Variants in PXK observed in about 807,000 individuals in gnomAD.
PXK encodes the protein PX domain containing serine/threonine kinase like.
PXK carries 35 observed loss-of-function variants against 84.7 expected under a neutral mutation model. The observed-to-expected ratio is 0.41, with a 90% confidence interval of 0.32 to 0.55. The LOEUF (loss-of-function observed/expected upper bound fraction) is 0.55, where lower values mean the gene tolerates loss of function less well. PXK is among the 20% of genes least tolerant of loss of function. The pLI is 0.21. For synonymous variants in PXK, 253 were observed against 260.8 expected (o/e 0.97, Z 0.29); for missense variants, 634 against 699.7 (o/e 0.91, Z 1.06).
At chr3:58,417,092 A>AC (rs2107703788) in intron 17 of PXK, among the ~76,000 whole-genome samples, 1 of 152,216 alleles carries the variant, frequency 6.6e-6, no homozygotes, top group East Asian at 1.9e-4. Flanking sequence ...TTTTGTAGAG[A>AC]CAGGGGTCTC....
rs1281756673 is a variant in PXK, at chr3:58,424,935, A to G, written c.1712A>G (p.Asp571Gly). ...KGTLRKAKTC[D>G]HSAPKIG ...ACTTTGAGGAAAGCCAAAACCTGTG[A>G]TCACAGTGCTCCGAAGATCGGCTGA... The change falls in exon 18 of 18, where the codon GAT becomes GGT. Residue 571 changes from aspartate to glycine, a missense_variant. By Grantham distance (94) the Asp-to-Gly change is moderately conservative. Around this residue, in one of 3 missense-constraint regions of PXK, gnomAD observed 273 missense variants for 283.6 expected, o/e 0.96. Transcript: ENST00000356151. 6.2e-7 allele frequency: 1 copy of G among 1,614,032 alleles called. No homozygotes were observed. Among genetic ancestry groups the G allele is most frequent in the Non-Finnish European group, 8.5e-7 (1 of 1,180,052 alleles).
Position 58,400,659 on chromosome 3 carries a change from C to G in PXK, c.1181+1282C>G, listed in dbSNP as rs765984217. ...CGGGCAGTGGCTCATGCCTATAATC[C>G]CAGCACTTTGGGAGGCTGAGGCGGG... is the stretch of plus-strand genomic sequence containing the variant. On this transcript the variant is annotated intron_variant, in intron 12 of 17. Coordinates refer to ENST00000356151, the MANE Select transcript of PXK (RefSeq NM_017771.5). This position sits in a 1 kb window ranked among gnomAD's most constrained non-coding sequence, Gnocchi z 4.0. Among the ~76,000 whole-genome samples the G allele has an allele frequency of 1.3e-5, 2 of 152,142 alleles. No individual in the cohort carries two copies. Among genetic ancestry groups the G allele is most frequent in the Non-Finnish European group, 2.9e-5 (2 of 68,024 alleles).
In PXK at chr3:58,409,690, G is replaced by A. The variant is rs1277475381; in HGVS notation, c.1395+72G>A. The A allele has an allele frequency of 8.0e-7, 1 of 1,252,242 alleles. No homozygotes were observed. The allele number at this position is 1,252,242 out of a possible 1,614,324, so 77.6% of individuals were successfully genotyped here. On this transcript the variant is annotated intron_variant, in intron 15 of 17. Coordinates refer to ENST00000356151, the MANE Select transcript of PXK (RefSeq NM_017771.5). This position sits in a 1 kb window ranked among gnomAD's most constrained non-coding sequence, Gnocchi z 4.2. ...ATGTGAAGAAAGTTCTAGGTTAATG[G>A]TGCCCATTTAATGACAGATGCTGTG...
At chr3:58,336,067 ATATATTTTTT>A (rs1259252496) in intron 1 of PXK, among the ~76,000 whole-genome samples, 3 of 59,518 alleles carry the variant, frequency 5.0e-5, no homozygotes, top group African/African-American at 3.0e-4. Context: ...ATATATATAT[ATATATTTTTT>A]TTTTTTTTTT....
chr3:58,339,758 A>G lies in PXK; in HGVS notation c.102+6668A>G, dbSNP rs890860547. Among the ~76,000 whole-genome samples the G allele has an allele frequency of 3.9e-4, 60 of 152,170 alleles. 1 individual carries two copies. The highest frequency in any genetic ancestry group is 1.4e-3 in the African/African-American group (59 of 41,520). ...TCCCTAGGGAACAGTGGAAAGAGCC[A>G]CCCATGGGTACTTAGCTTCCATATG... On this transcript the variant is annotated intron_variant, in intron 1 of 17. Transcript: ENST00000356151.
intron 1 of PXK, among the ~76,000 whole-genome samples, chr3:58,342,512 G>T (rs1302339482): frequency 6.6e-6 from 1 of 151,786 alleles, no homozygotes; most frequent in African/African-American, 2.4e-5. Context: ...GTGCATGCCT[G>T]TAGTCCCTGC....
chr3:58,422,258 C>T, intron 17 of PXK: 2 of 985,404 alleles, frequency 2.0e-6, no homozygotes, highest in East Asian at 1.1e-4. Context: ...CACCTTCTGA[C>T]CCCTAGACCT....
intron 1 of PXK, among the ~76,000 whole-genome samples, chr3:58,362,217 G>T (rs532750875): frequency 6.6e-6 from 1 of 152,254 alleles, no homozygotes; most frequent in African/African-American, 2.4e-5. Context: ...TAATTTTGAT[G>T]AAGTCCAATT....
At chr3:58,359,559 C>G (rs1431641499) in intron 1 of PXK, among the ~76,000 whole-genome samples, 1 of 151,038 alleles carries the variant, frequency 6.6e-6, no homozygotes, top group East Asian at 1.9e-4. Context: ...AAAAATTATT[C>G]CTCTGATACA....
In PXK at chr3:58,399,566, C is replaced by G. The variant is rs2058252383; in HGVS notation, c.1181+189C>G. ...TTTGTGACCTCTGTGCTCTCCTGGT[C>G]TGATGGCTATCCTTTAACATCTGTG... On this transcript the variant is annotated intron_variant, in intron 12 of 17. Coordinates refer to ENST00000356151, the MANE Select transcript of PXK (RefSeq NM_017771.5). The surrounding 1 kb of genome is among the most constrained non-coding windows in gnomAD (Gnocchi z 4.3). Among the ~76,000 whole-genome samples, 1 of 152,210 alleles carries G rather than the reference C, an allele frequency of 6.6e-6. No individual in the cohort carries two copies. Among genetic ancestry groups the G allele is most frequent in the South Asian group, 2.1e-4 (1 of 4,832 alleles).
In PXK at chr3:58,408,906, A is replaced by G; in HGVS notation, c.1231-18A>G. The stretch of plus-strand genomic sequence containing the variant: ...AGCCACCTTTTTCAATAGATGATGT[A>G]CTTTTCTCTCCTTTCAGATCCCTAC... On this transcript the variant is annotated intron_variant, in intron 13 of 17. Coordinates refer to ENST00000356151, the MANE Select transcript of PXK (RefSeq NM_017771.5). The G allele has an allele frequency of 2.0e-6, 3 of 1,530,448 alleles. No homozygotes were observed. The highest frequency in any genetic ancestry group is 2.7e-6 in the Non-Finnish European group (3 of 1,104,504). 94.8% of individuals were successfully genotyped at this position (1,530,448 alleles called of 1,614,324 possible). A position where few individuals can be genotyped will look rare whatever the true frequency, so the allele number is the denominator to read the frequency against.
chr3:58,418,042 C>G (rs1424647075), intron 17 of PXK, among the ~76,000 whole-genome samples: 1 of 152,268 alleles, frequency 6.6e-6, no homozygotes, highest in East Asian at 1.9e-4. Context: ...TAGTCTTGAG[C>G]TCTGGGGCTC....
At chr3:58,352,635 A>G (rs1204242955) in intron 1 of PXK, among the ~76,000 whole-genome samples, 2 of 152,142 alleles carry the variant, frequency 1.3e-5, no homozygotes, top group African/African-American at 4.8e-5. Context: ...TTAGCAAATT[A>G]TGTAATTTGC....
At position 58,373,889 on chromosome 3, in the gene PXK, C is replaced by CA. The variant is rs1325534358; in HGVS notation, c.201+4417dup. 2.6e-5 allele frequency among the ~76,000 whole-genome samples: 4 copies of CA among 151,656 alleles called. No individual in the cohort carries two copies. In the East Asian group the frequency reaches 5.9e-4, roughly 22 times the overall value. On this transcript the variant is annotated intron_variant, in intron 3 of 17. Transcript: ENST00000356151. ...TGAAACCCCGTCTCTACTAAAAATA[C>CA]AAAAAATTAGCAGGGCGTGGTGGCC...
At chr3:58,340,119 ATTT>A (rs547721745) in intron 1 of PXK, among the ~76,000 whole-genome samples, 4 of 125,802 alleles carry the variant, frequency 3.2e-5, no homozygotes, top group Admixed American at 1.6e-4. Flanking sequence ...CGCCTGGCCG[ATTT>A]TTTTTTTTTT....
Position 58,383,382 on chromosome 3 carries a change from C to A in PXK, c.388+682C>A, listed in dbSNP as rs2108809749. Among the ~76,000 whole-genome samples the A allele has an allele frequency of 6.6e-6, 1 of 152,280 alleles. No homozygotes were observed. Among genetic ancestry groups the A allele is most frequent in the South Asian group, 2.1e-4 (1 of 4,824 alleles). On this transcript the variant is annotated intron_variant, in intron 4 of 17. Coordinates refer to ENST00000356151, the MANE Select transcript of PXK (RefSeq NM_017771.5). This position sits in a 1 kb window ranked among gnomAD's most constrained non-coding sequence, Gnocchi z 4.0. ...ACCTCTAATCAACACCTTATACATA[C>A]AATAATCTTAATCTGATTTGTATTT...
At chr3:58,410,023 C>G in intron 15 of PXK, 67 bp from the exon 16 acceptor site, 1 of 1,010,296 alleles carries the variant, frequency 9.9e-7, no homozygotes, top group Non-Finnish European at 1.5e-6. Context: ...TATTCTAACT[C>G]CCAGCTTCAC....
At chr3:58,354,745 G>T (rs1045669543) in intron 1 of PXK, among the ~76,000 whole-genome samples, 4 of 151,988 alleles carry the variant, frequency 2.6e-5, no homozygotes, top group Non-Finnish European at 5.9e-5. Context: ...ACCGCGCCTG[G>T]CCCGATTTCT....
chr3:58,391,095 C>G, intron 5 of PXK, 52 bp from the exon 6 acceptor site: 1 of 1,323,788 alleles, frequency 7.6e-7, no homozygotes, highest in East Asian at 2.3e-5. Context: ...TGAAACATAT[C>G]AGTTGTTGCA....
Sources: gnomAD v4.1 joint callset for allele counts (sites outside exome capture counted in the v4.1 genomes callset) on GRCh38, gnomAD v4.1.1 for gene constraint, gnomAD v4.1.1 regional missense constraint, Gnocchi (gnomAD v3.1) non-coding constraint, MANE v1.5 for transcripts, NCBI Gene and HGNC (gene_info 2026-07-23, HGNC 2026-07-21) for gene names.